The following MCRS1 variants were observed in gnomAD, a reference collection of about 807,000 sequenced individuals.
MCRS1 encodes the protein 58 kDa microspherule protein.
Under a neutral mutation model 62.9 loss-of-function variants are expected in MCRS1, and 22 were observed. That is an observed-to-expected ratio of 0.35 (90% confidence interval 0.25 to 0.50). The LOEUF is 0.50. Ranked by LOEUF, MCRS1 falls within the 20% of genes least tolerant of loss-of-function variation. The probability of loss-of-function intolerance (pLI) is 0.98; values close to 1 mark genes in which losing one functional copy is unlikely to be tolerated. For synonymous variants in MCRS1, 244 were observed against 233.5 expected (o/e 1.04, Z -0.41); for missense variants, 456 against 601.1 (o/e 0.76, Z 2.52).
At chr12:49,562,834 T>C (rs1938840621) in intron 8 of MCRS1, among the ~76,000 whole-genome samples, 167 bp downstream of exon 8, 1 of 152,246 alleles carries the variant, frequency 6.6e-6, no homozygotes, top group Non-Finnish European at 1.5e-5. Flanking sequence ...TCCAGCCACT[T>C]TCTCTCTCTG....
At chr12:49,562,369 G>C (rs1461240537) in intron 8 of MCRS1, among the ~76,000 whole-genome samples, 1 of 152,234 alleles carries the variant, frequency 6.6e-6, no homozygotes, top group Non-Finnish European at 1.5e-5. Flanking sequence ...CCCCATCACT[G>C]GGAGAGTGAG....
intron 9 of MCRS1, 97 bp downstream of exon 9, chr12:49,560,198 C>T (rs1050237316): frequency 2.9e-6 from 4 of 1,390,872 alleles, no homozygotes; most frequent in Middle Eastern, 1.8e-4. Context: ...CAAGCACCAA[C>T]GGGAGCCCAA....
At position 49,564,870 on chromosome 12, in the gene MCRS1, A is replaced by C. The variant is rs777539470; in HGVS notation, c.314T>G (p.Val105Gly). The C allele has an allele frequency of 6.2e-7, 1 of 1,609,428 alleles. No individual in the cohort carries two copies. The highest frequency in any genetic ancestry group is 8.5e-7 in the Non-Finnish European group (1 of 1,177,392). Residue 105 changes from valine (V) to glycine (G), a missense_variant, in exon 5 of 15, where the codon GTG becomes GGG. Coordinates refer to ENST00000343810, the MANE Select transcript of MCRS1 (RefSeq NM_006337.5). ...AGGGGCTGGGGCTGGGCTGGGTGGC[A>C]CAGGAGTGCTGGGGGCTTTGGATAC... ...KKVSKAPSTP[V>G]PPSPAPAPGL...
chr12:49,564,665 T>G, intron 5 of MCRS1, 72 bp downstream of exon 5: 2 of 1,605,164 alleles, frequency 1.2e-6, no homozygotes, highest in Non-Finnish European at 1.7e-6. Context: ...CAGGGCCCTG[T>G]TGGGCTAATT....
In MCRS1 at chr12:49,558,585, G is replaced by A. The variant is rs886757440; in HGVS notation, c.*58C>T. ...AGGAGCCTGAGTTCCCAGCTCAAGG[G>A]GGCTGGAGTGGCAGGGGAAACAGGC... is the stretch of plus-strand genomic sequence containing the variant. On this transcript the variant is annotated 3_prime_UTR_variant, in exon 15 of 15. Coordinates refer to ENST00000343810, the MANE Select transcript of MCRS1 (RefSeq NM_006337.5). 6.4e-7 allele frequency: 1 copy of A among 1,564,586 alleles called. No homozygotes were observed. Among genetic ancestry groups the A allele is most frequent in the African/African-American group, 1.4e-5 (1 of 74,070 alleles).
rs1210760025 is a variant in MCRS1, at chr12:49,565,582, C to T, written c.235G>A (p.Val79Met). Residue 79 changes from valine to methionine, a missense_variant, in exon 4 of 15, where the codon GTG (valine) becomes ATG (methionine). Transcript: ENST00000343810. ...CTCCCCGAACAGCGCCCTGGTTCCA[C>T]CCCACTGGCCCCCTTTGCCCGGGTA... ...SSTRAKGASG[V>M]EPGRCSGSEP... The T allele has an allele frequency of 5.0e-6, 8 of 1,612,544 alleles. No homozygotes were observed. Among genetic ancestry groups the T allele is most frequent in the Non-Finnish European group, 6.8e-6 (8 of 1,179,164 alleles).
Position 49,559,005 on chromosome 12 carries a change from T to C in MCRS1, c.1175-35A>G, listed in dbSNP as rs777815243. 1 of 1,599,916 alleles carries C rather than the reference T, an allele frequency of 6.3e-7. No homozygotes were observed. ...CAGAAAGAAAGAAGGGATGATGGGA[T>C]GGGGAGGGATTGATGGGATGGGGAA... On this transcript the variant is annotated intron_variant, in intron 13 of 14. Transcript: ENST00000343810. The surrounding 1 kb of genome is among the most constrained non-coding windows in gnomAD (Gnocchi z 5.2).
At chr12:49,562,509 C>T (rs910887800) in intron 8 of MCRS1, among the ~76,000 whole-genome samples, 11 of 151,956 alleles carry the variant, frequency 7.2e-5, no homozygotes, top group Non-Finnish European at 1.5e-4. Context: ...ACAGCACTAA[C>T]GGCCTAGTGG....
intron 7 of MCRS1, 114 bp from the exon 8 acceptor site, chr12:49,563,253 G>T: frequency 1.3e-6 from 2 of 1,487,530 alleles, no homozygotes; most frequent in Non-Finnish European, 1.8e-6. Flanking sequence ...AAGCAAGCTA[G>T]TCACCCAAGA....
Position 49,559,209 on chromosome 12 carries a change from G to A in MCRS1, c.1174+5C>T. The A allele has an allele frequency of 6.2e-7, 1 of 1,613,156 alleles. No homozygotes were observed. ...CTTCCTGCTGGGGCAGGGGGTGGGGGATACCTTGTTTCCGGGATATCTTCC... is the reference window on the plus strand; with the variant it reads ...CTTCCTGCTGGGGCAGGGGGTGGGGAATACCTTGTTTCCGGGATATCTTCC... On this transcript the variant is annotated splice_donor_5th_base_variant and intron_variant, in intron 13 of 14. Coordinates refer to ENST00000343810, the MANE Select transcript of MCRS1 (RefSeq NM_006337.5). The surrounding 1 kb of genome is among the most constrained non-coding windows in gnomAD (Gnocchi z 5.2).
In MCRS1 at chr12:49,559,786, T is replaced by C. The variant is rs1417234548; in HGVS notation, c.946A>G (p.Ile316Val). 6.2e-7 allele frequency: 1 copy of C among 1,614,188 alleles called. No homozygotes were observed. The highest frequency in any genetic ancestry group is 2.2e-5 in the East Asian group (1 of 44,876). Residue 316 changes from isoleucine to valine, a missense_variant, in exon 11 of 15, where the codon ATT (isoleucine) becomes GTT (valine). Ile to Val is a conservative substitution (Grantham distance 29). Around this residue, in one of 3 missense-constraint regions of MCRS1, gnomAD observed 393 missense variants for 523.5 expected, o/e 0.75. Coordinates refer to ENST00000343810, the MANE Select transcript of MCRS1 (RefSeq NM_006337.5). This position sits in a 1 kb window ranked among gnomAD's most constrained non-coding sequence, Gnocchi z 5.2. ...MVADRRQKRE[I>V]RQLEQELHKW... The stretch of plus-strand genomic sequence containing the variant: ...TGCAGTTCCTGTTCCAGCTGCCGAA[T>C]CTCTCGCTTCTGGCGCCGGTCAGCC...
At chr12:49,561,291 G>A (rs1186206929) in intron 8 of MCRS1, among the ~76,000 whole-genome samples, 2 of 152,210 alleles carry the variant, frequency 1.3e-5, no homozygotes, top group South Asian at 2.1e-4. Context: ...ATAGCAGCTA[G>A]TGGCCATGCA....
intron 2 of MCRS1, 186 bp from the exon 3 acceptor site, chr12:49,566,401 C>A: frequency 6.3e-7 from 1 of 1,576,298 alleles, no homozygotes; most frequent in East Asian, 2.3e-5. Context: ...CTGGCCCAGA[C>A]CTTCCACGCT....
chr12:49,559,412 G>C lies in MCRS1; in HGVS notation c.1086+41C>G. On this transcript the variant is annotated intron_variant, in intron 12 of 14. Coordinates refer to ENST00000343810, the MANE Select transcript of MCRS1 (RefSeq NM_006337.5). The surrounding 1 kb of genome is among the most constrained non-coding windows in gnomAD (Gnocchi z 5.2). Reference sequence around the variant, plus strand: ...GACTACGCAGAGAAAGGCACTGACAGAGGAAGCAGCCTAAGAAGGGCGGGG... The same window carrying C: ...GACTACGCAGAGAAAGGCACTGACACAGGAAGCAGCCTAAGAAGGGCGGGG... 6.2e-7 allele frequency: 1 copy of C among 1,612,764 alleles called. No homozygotes were observed. The highest frequency in any genetic ancestry group is 1.7e-4 in the Middle Eastern group (1 of 6,058).
chr12:49,565,143 CCA>C (rs1464221592), intron 4 of MCRS1: 20 of 985,312 alleles, frequency 2.0e-5, no homozygotes, highest in Middle Eastern at 5.2e-4. Flanking sequence ...ATCCCCGACC[CCA>C]GAGTGAAAGT....
At position 49,558,532 on chromosome 12, in the gene MCRS1, C is replaced by A. The variant is rs1938569439; in HGVS notation, c.*111G>T. On this transcript the variant is annotated 3_prime_UTR_variant, in exon 15 of 15. Transcript: ENST00000343810. ...AAAGGCTCAAATCAATGGCCCGCAG[C>A]TGAGCCTCCCACTGCCCAGGTTTTT... 2 of 1,109,862 alleles carry A rather than the reference C, an allele frequency of 1.8e-6. No homozygotes were observed. The highest frequency in any genetic ancestry group is 4.9e-5 in the East Asian group (2 of 41,224). 68.8% of individuals were successfully genotyped at this position (1,109,862 alleles called of 1,614,324 possible).
rs889826949 is a variant in MCRS1 at position 49,567,859 on chromosome 12, C to G, written c.-111+189G>C. On this transcript the variant is annotated intron_variant, in intron 1 of 14. Coordinates refer to ENST00000343810, the MANE Select transcript of MCRS1 (RefSeq NM_006337.5). ...CCATTCTCACCCCACGGTCTCCATGCCTTTGCGCATGCGTAACACTTCGAG... is the reference window on the plus strand; with the variant it reads ...CCATTCTCACCCCACGGTCTCCATGGCTTTGCGCATGCGTAACACTTCGAG... The G allele has an allele frequency of 3.3e-5, 5 of 152,238 alleles. No individual in the cohort carries two copies. The East Asian group carries it at 9.6e-4, about 29-fold the overall frequency. The allele number at this position is 152,238 out of a possible 1,614,324, so 9.4% of individuals were successfully genotyped here.
chr12:49,566,476 T>C (rs745513135), intron 2 of MCRS1: 8 of 1,557,922 alleles, frequency 5.1e-6, no homozygotes, highest in Non-Finnish European at 7.0e-6. Context: ...AGACTGGTGA[T>C]GCCGACACGC....
In MCRS1 at chr12:49,559,785, ATC is replaced by A; in HGVS notation, c.945_946del (p.Glu315AspfsTer10). The A allele has an allele frequency of 6.2e-7, 1 of 1,614,200 alleles. No individual in the cohort carries two copies. The highest frequency in any genetic ancestry group is 2.2e-5 in the East Asian group (1 of 44,882). ...ATGCAGTTCCTGTTCCAGCTGCCGA[ATC>A]TCTCGCTTCTGGCGCCGGTCAGCCA... On this transcript the variant is annotated frameshift_variant, in exon 11 of 15. Coordinates refer to ENST00000343810, the MANE Select transcript of MCRS1 (RefSeq NM_006337.5). LOFTEE classifies it high-confidence loss of function. This position sits in a 1 kb window ranked among gnomAD's most constrained non-coding sequence, Gnocchi z 5.2.
Sources: gnomAD v4.1 joint callset for allele counts (sites outside exome capture counted in the v4.1 genomes callset) on GRCh38, gnomAD v4.1.1 for gene constraint, gnomAD v4.1.1 regional missense constraint, Gnocchi (gnomAD v3.1) non-coding constraint, MANE v1.5 for transcripts, NCBI Gene and HGNC (gene_info 2026-07-23, HGNC 2026-07-21) for gene names.